Variants in LCORL observed in about 807,000 individuals in gnomAD.
The protein encoded by LCORL is ligand dependent nuclear receptor corepressor like.
LCORL carries 41 observed loss-of-function variants against 141.8 expected under a neutral mutation model. The ratio of observed to expected loss-of-function variants is 0.29; its 90% confidence interval spans 0.23 to 0.38. The LOEUF (loss-of-function observed/expected upper bound fraction) is 0.38, where lower values mean the gene tolerates loss of function less well. Ranked by LOEUF, LCORL falls within the 10% of genes least tolerant of loss-of-function variation. The probability of loss-of-function intolerance (pLI) is 1.00; values close to 1 mark genes in which losing one functional copy is unlikely to be tolerated. For missense variants in LCORL, 1,759 were observed against 2,035.0 expected (o/e 0.86, Z 2.61); for synonymous variants, 618 against 694.1 (o/e 0.89, Z 1.72).
intron 4 of LCORL, among the ~76,000 whole-genome samples, chr4:17,919,420 A>C (rs1408218540): frequency 6.6e-6 from 1 of 152,224 alleles, no homozygotes. Flanking sequence ...TATCAAAACT[A>C]GAGAAAGCAA....
intron 4 of LCORL, chr4:17,911,884 C>G (rs1732606920): frequency 2.1e-6 from 1 of 482,116 alleles, no homozygotes; most frequent in South Asian, 1.7e-5. Flanking sequence ...GGCCGGGGGT[C>G]TGGCAGGAAA....
At chr4:17,979,426 T>C (rs1225561611) in intron 1 of LCORL, among the ~76,000 whole-genome samples, 2 of 152,218 alleles carry the variant, frequency 1.3e-5, no homozygotes, top group Admixed American at 1.3e-4. Context: ...TCTGACTTGT[T>C]AATCTCAGCA....
exon 7 of LCORL, chr4:17,876,774 G>T: frequency 8.1e-7 from 1 of 1,230,638 alleles, no homozygotes; most frequent in Non-Finnish European, 1.0e-6. Flanking sequence ...TTTTCCATCT[G>T]CAGATTTCTC....
chr4:17,911,746 G>T, intron 4 of LCORL: 1 of 466,404 alleles, frequency 2.1e-6, no homozygotes, highest in South Asian at 1.7e-5. Context: ...GCCCAGCTAT[G>T]GTGCCTGGCT....
intron 1 of LCORL, among the ~76,000 whole-genome samples, chr4:18,009,798 C>T (rs941168850): frequency 6.6e-6 from 1 of 151,794 alleles, no homozygotes; most frequent in African/African-American, 2.4e-5. Context: ...CCTTAGCATG[C>T]CTTCCAATGG....
chr4:17,941,458 C>CAA (rs757998970), intron 4 of LCORL, among the ~76,000 whole-genome samples: 1 of 138,650 alleles, frequency 7.2e-6, no homozygotes, highest in African/African-American at 2.6e-5. Flanking sequence ...GACTCTGTCT[C>CAA]AAAAAAAAAA....
At chr4:17,842,110 TAA>T in exon 8 of LCORL, 1 of 513,230 alleles carries the variant, frequency 1.9e-6, no homozygotes. Flanking sequence ...GCTTACAAAA[TAA>T]ATTAAGTTTT....
intron 4 of LCORL, among the ~76,000 whole-genome samples, chr4:17,958,575 AAC>A (rs1411307003): frequency 6.6e-6 from 1 of 152,002 alleles, no homozygotes; most frequent in Non-Finnish European, 1.5e-5. Flanking sequence ...TATGTTTATC[AAC>A]ATTCCAAACA....
At chr4:17,931,183 C>G (rs1415345432) in intron 4 of LCORL, among the ~76,000 whole-genome samples, 1 of 151,712 alleles carries the variant, frequency 6.6e-6, no homozygotes, top group Non-Finnish European at 1.5e-5. Flanking sequence ...TTAATACTTT[C>G]TCTCTATTAC....
chr4:18,010,689 T>C (rs1440597220), intron 1 of LCORL, among the ~76,000 whole-genome samples: 4 of 152,166 alleles, frequency 2.6e-5, no homozygotes, highest in African/African-American at 7.2e-5. Context: ...TGACCTCATA[T>C]GATCTGCCTG....
chr4:17,993,828 G>A (rs888225332), intron 1 of LCORL, among the ~76,000 whole-genome samples: 5 of 152,150 alleles, frequency 3.3e-5, no homozygotes, highest in African/African-American at 9.7e-5. Context: ...GGAAAGACAA[G>A]AATGTAAATT....
At chr4:17,992,950 C>A (rs981721403) in intron 1 of LCORL, among the ~76,000 whole-genome samples, 2 of 152,092 alleles carry the variant, frequency 1.3e-5, no homozygotes, top group Non-Finnish European at 2.9e-5. Flanking sequence ...AGGGGAGAGA[C>A]AGAAAGATGT....
intron 4 of LCORL, chr4:17,912,503 T>C (rs1732724966): frequency 2.0e-6 from 1 of 499,950 alleles, no homozygotes; most frequent in Non-Finnish European, 3.9e-6. Flanking sequence ...CTAGACAGGT[T>C]ACTGGTCTCA....
chr4:17,913,046 G>T, intron 4 of LCORL: 1 of 234,054 alleles, frequency 4.3e-6, no homozygotes, highest in Non-Finnish European at 8.5e-6. Context: ...CAAAAAAAAT[G>T]GACAACTCAT....
At chr4:17,988,686 T>G (rs1225234355) in intron 1 of LCORL, among the ~76,000 whole-genome samples, 1 of 152,218 alleles carries the variant, frequency 6.6e-6, no homozygotes, top group Non-Finnish European at 1.5e-5. Context: ...GATGTTAACT[T>G]AAAAATAATC....
exon 7 of LCORL, chr4:17,876,413 T>G: frequency 8.1e-7 from 1 of 1,230,924 alleles, no homozygotes; most frequent in Non-Finnish European, 1.0e-6. Context: ...ATGCTTTATA[T>G]CCTTCTGATA....
intron 5 of LCORL, among the ~76,000 whole-genome samples, chr4:17,890,088 G>C (rs1728867941): frequency 6.6e-6 from 1 of 151,896 alleles, no homozygotes; most frequent in African/African-American, 2.4e-5. Flanking sequence ...TTTACTGTTG[G>C]TATTCAGGTT....
intron 6 of LCORL, chr4:17,882,407 C>A: frequency 3.0e-6 from 3 of 984,450 alleles, no homozygotes; most frequent in Non-Finnish European, 3.6e-6. Flanking sequence ...ACTACAGTTG[C>A]ATACTCCATA....
intron 4 of LCORL, among the ~76,000 whole-genome samples, chr4:17,933,401 C>A (rs979714069): frequency 3.3e-5 from 5 of 152,052 alleles, no homozygotes; most frequent in African/African-American, 1.2e-4. Context: ...TTTTCATTCT[C>A]TTAGCCATTT....
Sources: gnomAD v4.1 joint callset for allele counts (sites outside exome capture counted in the v4.1 genomes callset) on GRCh38, gnomAD v4.1.1 for gene constraint, MANE v1.5 for transcripts, NCBI Gene and HGNC (gene_info 2026-07-23, HGNC 2026-07-21) for gene names.